EYA4: variants seen among roughly 807,000 people sequenced by gnomAD.
EYA4 encodes EYA transcriptional coactivator and phosphatase 4, also known as protein phosphatase EYA4.
EYA4 carries 31 observed loss-of-function variants against 87.9 expected under a neutral mutation model. The observed-to-expected ratio is 0.35, with a 90% CI of 0.27 to 0.48. The LOEUF (loss-of-function observed/expected upper bound fraction) is 0.48, where lower values mean the gene tolerates loss of function less well. EYA4 is among the 20% of genes least tolerant of loss of function. The probability of loss-of-function intolerance (pLI) is 0.99; values close to 1 mark genes in which losing one functional copy is unlikely to be tolerated. For missense variants in EYA4, 678 were observed against 761.4 expected, an observed-to-expected ratio of 0.89 and a Z score of 1.29; for synonymous variants, 263 against 270.6, an observed-to-expected ratio of 0.97 and a Z score of 0.28.
intron 11 of EYA4, among the ~76,000 whole-genome samples, chr6:133,470,185 T>G (rs1448908748): frequency 7.1e-6 from 1 of 140,142 alleles, no homozygotes; most frequent in East Asian, 2.1e-4. Context: ...TCCTGAATGG[T>G]AATGCCTAGG....
chr6:133,437,579 T>C (rs1376809061), intron 3 of EYA4, among the ~76,000 whole-genome samples: 1 of 152,226 alleles, frequency 6.6e-6, no homozygotes, highest in Admixed American at 6.5e-5. Context: ...AATAGTCCAT[T>C]TTCATACTGC....
At chr6:133,508,249 A>G (rs1374664016) in intron 14 of EYA4, among the ~76,000 whole-genome samples, 1 of 152,176 alleles carries the variant, frequency 6.6e-6, no homozygotes, top group Non-Finnish European at 1.5e-5. Flanking sequence ...AGCTCATATT[A>G]CTAGGCAAGC....
chr6:133,403,897 G>GC (rs112622674), intron 3 of EYA4, among the ~76,000 whole-genome samples: 8,751 of 152,174 alleles, frequency 0.058, 700 homozygotes, highest in African/African-American at 0.18. Context: ...CACAACCTCT[G>GC]CCCCCAGAGT....
At chr6:133,439,612 C>T (rs1792066339) in intron 3 of EYA4, 1 of 152,210 alleles carries the variant, frequency 6.6e-6, no homozygotes, top group East Asian at 1.9e-4. Context: ...TTTGTCCCTA[C>T]AACAATGTGC....
chr6:133,281,720 G>A (rs375973368), intron 2 of EYA4, among the ~76,000 whole-genome samples: 1 of 152,112 alleles, frequency 6.6e-6, no homozygotes, highest in Non-Finnish European at 1.5e-5. Context: ...CAGCACCTAG[G>A]TAGTGAGAAT....
chr6:133,303,657 T>C (rs901943801), intron 2 of EYA4, among the ~76,000 whole-genome samples: 1 of 152,246 alleles, frequency 6.6e-6, no homozygotes, highest in African/African-American at 2.4e-5. Flanking sequence ...TTCATTTAAT[T>C]GATGGAAAAG....
intron 3 of EYA4, among the ~76,000 whole-genome samples, chr6:133,408,351 G>A (rs1788909985): frequency 6.6e-6 from 1 of 152,088 alleles, no homozygotes; most frequent in African/African-American, 2.4e-5. Context: ...CTTTTATGTG[G>A]TTACATTGTA....
At chr6:133,392,861 A>G (rs910734805) in intron 3 of EYA4, among the ~76,000 whole-genome samples, 2 of 152,156 alleles carry the variant, frequency 1.3e-5, no homozygotes, top group Non-Finnish European at 2.9e-5. Context: ...AGCCTCTCCT[A>G]CAGTAAACTG....
intron 1 of EYA4, among the ~76,000 whole-genome samples, chr6:133,272,905 G>C (rs530880325): frequency 6.6e-6 from 1 of 151,844 alleles, no homozygotes; most frequent in Non-Finnish European, 1.5e-5. Flanking sequence ...AGCCTGGCTC[G>C]CTGGCATAGA....
intron 2 of EYA4, among the ~76,000 whole-genome samples, chr6:133,330,917 T>C (rs1030980004): frequency 3.3e-5 from 5 of 152,026 alleles, no homozygotes; most frequent in Admixed American, 3.3e-4. Context: ...ATGTTGGCTG[T>C]TGGCAATTTT....
At chr6:133,340,141 C>G (rs1418022133) in intron 2 of EYA4, among the ~76,000 whole-genome samples, 8 of 152,120 alleles carry the variant, frequency 5.3e-5, no homozygotes, top group Non-Finnish European at 8.8e-5. Flanking sequence ...GAAATTGTCT[C>G]TAATGTTAAG....
chr6:133,438,699 G>A (rs1791948818), intron 3 of EYA4, among the ~76,000 whole-genome samples: 1 of 151,902 alleles, frequency 6.6e-6, no homozygotes, highest in South Asian at 2.1e-4. Flanking sequence ...TAACACCTGT[G>A]ACAGTGCTTT....
chr6:133,401,924 G>A (rs1788299171), intron 3 of EYA4, among the ~76,000 whole-genome samples: 1 of 152,116 alleles, frequency 6.6e-6, no homozygotes, highest in Admixed American at 6.6e-5. Flanking sequence ...TAGTCACAGG[G>A]AAAAGATGAT....
chr6:133,492,511 G>GA (rs1797274039), intron 13 of EYA4, among the ~76,000 whole-genome samples: 1 of 152,268 alleles, frequency 6.6e-6, no homozygotes, highest in South Asian at 2.1e-4. Flanking sequence ...ACAGAAGGGG[G>GA]AAAAATTGAA....
Position 133,462,360 on chromosome 6 carries a change from C to T in EYA4, c.463C>T (p.Pro155Ser), listed in dbSNP as rs543278630. ...SKPYPHILST[P>S]AAQTMSAYAG... ...GCCCTATCCACACATTCTTTCTACA[C>T]CAGCAGCTCAAACAATGTCTGCCTA... is the stretch of plus-strand genomic sequence containing the variant. The change falls in exon 8 of 20, where the codon CCA (proline) becomes TCA (serine). Residue 155 changes from proline to serine, a missense_variant. By Grantham distance (74) the Pro-to-Ser change is moderately conservative (BLOSUM62 -1). Coordinates refer to ENST00000355286, the MANE Select transcript of EYA4 (RefSeq NM_004100.5). The T allele has an allele frequency of 3.1e-6, 5 of 1,614,062 alleles. No individual in the cohort carries two copies. In the Admixed American group the frequency reaches 6.7e-5, roughly 22 times the overall value.
intron 13 of EYA4, among the ~76,000 whole-genome samples, chr6:133,499,946 C>T (rs963534767): frequency 8.6e-5 from 13 of 151,636 alleles, no homozygotes; most frequent in Non-Finnish European, 7.4e-5. Context: ...CTTAACTATC[C>T]CAGTCTCTCA....
intron 3 of EYA4, among the ~76,000 whole-genome samples, chr6:133,382,793 A>C (rs1254933007): frequency 1.2e-5 from 1 of 86,624 alleles, no homozygotes; most frequent in African/African-American, 3.3e-5. Flanking sequence ...ATCTGTGTTT[A>C]CAAAAAAAAA....
At chr6:133,491,437 C>G (rs950087704) in intron 13 of EYA4, among the ~76,000 whole-genome samples, 7 of 151,986 alleles carry the variant, frequency 4.6e-5, no homozygotes, top group African/African-American at 1.7e-4. Flanking sequence ...AAAGAAGACT[C>G]AAATAAGTAA....
At chr6:133,451,652 C>T (rs1320437144) in intron 5 of EYA4, among the ~76,000 whole-genome samples, 1 of 151,982 alleles carries the variant, frequency 6.6e-6, no homozygotes, top group Admixed American at 6.6e-5. Flanking sequence ...ATCCAGGAAC[C>T]AAAAGTCTAG....
Sources: allele counts gnomAD v4.1 joint callset (sites outside exome capture counted in the v4.1 genomes callset), GRCh38; gene constraint gnomAD v4.1.1; transcripts MANE v1.5; gene names NCBI Gene and HGNC (gene_info 2026-07-23, HGNC 2026-07-21).